QRICH1: variants seen among roughly 807,000 people sequenced by gnomAD.
QRICH1 encodes transcriptional regulator QRICH1.
In QRICH1, 16 loss-of-function variants were observed where a neutral mutation model predicts 87.1. The observed-to-expected ratio is 0.18, with a 90% CI of 0.12 to 0.28. The LOEUF (loss-of-function observed/expected upper bound fraction) is 0.28, where lower values mean the gene tolerates loss of function less well. Ranked by LOEUF, QRICH1 falls within the 10% of genes least tolerant of loss-of-function variation. The pLI is 1.00. For missense variants in QRICH1, 647 were observed against 951.7 expected (o/e 0.68, Z 4.21); for synonymous variants, 367 against 368.4 (o/e 1.00, Z 0.05).
intron 6 of QRICH1, among the ~76,000 whole-genome samples, chr3:49,035,354 G>A (rs2093268380): frequency 6.6e-6 from 1 of 152,206 alleles, no homozygotes; most frequent in Non-Finnish European, 1.5e-5. Context: ...TTACAGGCGG[G>A]AGCCACCATG....
intron 2 of QRICH1, among the ~76,000 whole-genome samples, chr3:49,069,348 C>T (rs565774217): frequency 6.6e-5 from 10 of 151,614 alleles, no homozygotes; most frequent in Admixed American, 2.0e-4. Context: ...GTGATCCACC[C>T]GCCTTGTCCT....
intron 1 of QRICH1, among the ~76,000 whole-genome samples, chr3:49,078,637 C>T (rs558915868): frequency 6.0e-5 from 9 of 149,808 alleles, no homozygotes; most frequent in East Asian, 5.9e-4. Context: ...CCTCGTGATC[C>T]GCCTGCCTCA....
At chr3:49,065,703 C>T (rs1221220344) in intron 2 of QRICH1, among the ~76,000 whole-genome samples, 7 of 148,900 alleles carry the variant, frequency 4.7e-5, no homozygotes, top group East Asian at 2.0e-4. Context: ...TTTTTTGAGA[C>T]GGAGTCTCCC....
chr3:49,074,462 C>T (rs2041908847), intron 2 of QRICH1, among the ~76,000 whole-genome samples: 1 of 151,806 alleles, frequency 6.6e-6, no homozygotes, highest in South Asian at 2.1e-4. Context: ...GTCCCAGCTA[C>T]TCGGGAGGCT....
In QRICH1 at chr3:49,077,042, G is replaced by T; in HGVS notation, c.-21-4C>A. The T allele has an allele frequency of 7.4e-7, 1 of 1,350,990 alleles. No homozygotes were observed. Among genetic ancestry groups the T allele is most frequent in the South Asian group, 2.0e-5 (1 of 48,822 alleles). The allele number at this position is 1,350,990 out of a possible 1,614,324, so 83.7% of individuals were successfully genotyped here. ...TATTGCAGAGTCCTTAGGGTTCCTAGAAATAAACAGAAGTCAAAATTATGT... is the reference window on the plus strand; with the variant it reads ...TATTGCAGAGTCCTTAGGGTTCCTATAAATAAACAGAAGTCAAAATTATGT... On this transcript the variant is annotated splice_region_variant and splice_polypyrimidine_tract_variant and intron_variant, in intron 1 of 9. Coordinates refer to ENST00000395443, the MANE Select transcript of QRICH1 (RefSeq NM_198880.3).
Position 49,069,094 on chromosome 3 carries a change from TA to T in QRICH1, c.309+7614del, listed in dbSNP as rs1325133911. On this transcript the variant is annotated intron_variant, in intron 2 of 9. Transcript: ENST00000395443. Reference sequence around the variant, plus strand: ...CCTCAAGTAGAAAATTTATTATTATTATTATTATTATTATTTTTTTTTTTTT... The same window carrying T: ...CCTCAAGTAGAAAATTTATTATTATTTTATTATTATTATTTTTTTTTTTTT... 4.7e-5 allele frequency among the ~76,000 whole-genome samples: 4 copies of T among 85,834 alleles called. No individual in the cohort carries two copies. The East Asian group carries it at 5.2e-3, about 111-fold the overall frequency. The allele number at this position is 85,834 out of a possible 152,430, so 56.3% of individuals were successfully genotyped here.
At chr3:49,083,446 T>A (rs775025699) in intron 1 of QRICH1, 11 of 151,924 alleles carry the variant, frequency 7.2e-5, no homozygotes, top group Non-Finnish European at 1.5e-4. Flanking sequence ...ATGGGGCAGG[T>A]CAAAACTTCC....
chr3:49,067,306 G>A (rs529225620), intron 2 of QRICH1, among the ~76,000 whole-genome samples: 2 of 152,184 alleles, frequency 1.3e-5, no homozygotes, highest in East Asian at 1.9e-4. Context: ...GGTGGCTCAC[G>A]CCTGTAATCC....
At chr3:49,049,004 C>G (rs574332510) in intron 3 of QRICH1, among the ~76,000 whole-genome samples, 2 of 151,006 alleles carry the variant, frequency 1.3e-5, no homozygotes, top group East Asian at 4.1e-4. Context: ...CAGGTTCAAA[C>G]GATTCTCCTT....
chr3:49,089,757 G>A (rs148691526), intron 1 of QRICH1, among the ~76,000 whole-genome samples: 245 of 152,152 alleles, frequency 1.6e-3, no homozygotes, highest in Non-Finnish European at 2.8e-3. Context: ...AAACTCATAA[G>A]GAAACAAATC....
chr3:49,071,214 G>A (rs2093498616), intron 2 of QRICH1, among the ~76,000 whole-genome samples: 1 of 151,900 alleles, frequency 6.6e-6, no homozygotes, highest in Admixed American at 6.6e-5. Flanking sequence ...ACAGGCACCC[G>A]CCACCAGGCC....
chr3:49,069,113 T>TA (rs2093485991), intron 2 of QRICH1, among the ~76,000 whole-genome samples: 1 of 144,108 alleles, frequency 6.9e-6, no homozygotes, highest in African/African-American at 2.5e-5. Context: ...TATTATTTTT[T>TA]TTTTTTTTTT....
chr3:49,077,138 G>C, intron 1 of QRICH1, 100 bp from the exon 2 acceptor site: 1 of 694,072 alleles, frequency 1.4e-6, no homozygotes, highest in Admixed American at 3.4e-5. Context: ...CAGGGCAGCT[G>C]TATACATATA....
chr3:49,094,103 G>T (rs1263507156), upstream of QRICH1: 3 of 398,416 alleles, frequency 7.5e-6, no homozygotes, highest in Non-Finnish European at 1.3e-5. Flanking sequence ...CGATAATCGG[G>T]GCGTCGGATC....
Position 49,042,444 on chromosome 3 carries a change from C to G in QRICH1, c.1786+1946G>C, listed in dbSNP as rs149132613. On this transcript the variant is annotated intron_variant, in intron 6 of 9. Transcript: ENST00000395443. ...AAGGCATATTGCTAAATGAAAGGAA[C>G]AAATCTGAAAAGGCCACATGCCGAA... Among the ~76,000 whole-genome samples the G allele has an allele frequency of 7.5e-3, 1,141 of 152,132 alleles. 10 individuals are homozygous for G. Among genetic ancestry groups the G allele is most frequent in the African/African-American group, 0.026 (1,088 of 41,500 alleles).
intron 2 of QRICH1, among the ~76,000 whole-genome samples, chr3:49,063,652 G>A (rs1427816475): frequency 2.0e-5 from 3 of 152,124 alleles, no homozygotes; most frequent in African/African-American, 7.2e-5. Context: ...TTACCTGGGC[G>A]TGGACACACA....
At chr3:49,068,692 G>T (rs891572585) in intron 2 of QRICH1, among the ~76,000 whole-genome samples, 1 of 150,682 alleles carries the variant, frequency 6.6e-6, no homozygotes. Flanking sequence ...GCAGTGGCAC[G>T]ATCTCGGCTC....
intron 6 of QRICH1, among the ~76,000 whole-genome samples, chr3:49,039,083 G>A (rs562351893): frequency 6.6e-6 from 1 of 151,868 alleles, no homozygotes; most frequent in African/African-American, 2.4e-5. Flanking sequence ...CGGGCCAGGC[G>A]CAGTGGCTCA....
rs1291042220 is a variant in QRICH1 at position 49,048,511 on chromosome 3, G to T, written c.1339-1265C>A. On this transcript the variant is annotated intron_variant, in intron 3 of 9. Transcript: ENST00000395443. ...AAAAAAAAAAAAACCCACCCTGGCC[G>T]GGTGCAGTGGCTCACACCTGTAGTC... Among the ~76,000 whole-genome samples, 4 of 150,200 alleles carry T rather than the reference G, an allele frequency of 2.7e-5. No homozygotes were observed. The East Asian group carries it at 7.9e-4, about 30-fold the overall frequency.
Sources: allele counts gnomAD v4.1 joint callset (sites outside exome capture counted in the v4.1 genomes callset), GRCh38; gene constraint gnomAD v4.1.1; transcripts MANE v1.5; gene names NCBI Gene and HGNC (gene_info 2026-07-23, HGNC 2026-07-21).